DTNA: variants seen among roughly 807,000 people sequenced by gnomAD.
DTNA encodes dystrophin-related protein 3.
A neutral mutation model predicts 100.7 loss-of-function variants in DTNA; 43 were observed. The ratio of observed to expected loss-of-function variants is 0.43; its 90% confidence interval spans 0.33 to 0.55. DTNA has a LOEUF of 0.55. Among genes scored for constraint, DTNA ranks in the 20% least tolerant of loss-of-function variants. The pLI, the probability that DTNA is intolerant of heterozygous loss-of-function variation, is 0.04. For missense variants in DTNA, 798 were observed against 953.9 expected (o/e 0.84, Z 2.15); for synonymous variants, 349 against 347.9 (o/e 1.00, Z -0.04).
intron 1 of DTNA, among the ~76,000 whole-genome samples, chr18:34,522,461 T>C (rs1254929881): frequency 6.6e-6 from 1 of 152,300 alleles, no homozygotes; most frequent in East Asian, 1.9e-4. Context: ...ACTGGGACTT[T>C]CAAGCTAACA....
intron 3 of DTNA, chr18:34,767,521 A>G (rs1212991989): frequency 6.6e-6 from 1 of 152,222 alleles, no homozygotes; most frequent in Non-Finnish European, 1.5e-5. Context: ...CAATTTATAA[A>G]GAAAAGGAAT....
At chr18:34,706,360 A>G (rs1296833818), upstream of DTNA, among the ~76,000 whole-genome samples, 3 of 152,208 alleles carry the variant, frequency 2.0e-5, no homozygotes, top group African/African-American at 4.8e-5. Flanking sequence ...GTATTTTTCA[A>G]CTTCTCTACA....
At chr18:34,506,813 T>A (rs1168175366) in intron 1 of DTNA, among the ~76,000 whole-genome samples, 1 of 152,184 alleles carries the variant, frequency 6.6e-6, no homozygotes, top group East Asian at 1.9e-4. Context: ...AGTGTCTTTG[T>A]ATGTTTATTT....
At chr18:34,650,618 A>G (rs994676968) in intron 1 of DTNA, among the ~76,000 whole-genome samples, 1 of 152,184 alleles carries the variant, frequency 6.6e-6, no homozygotes, top group Non-Finnish European at 1.5e-5. Flanking sequence ...GCACTCTGTT[A>G]GCATTCAATA....
At position 34,833,379 on chromosome 18, in the gene DTNA, T is replaced by C. The variant is rs79955238; in HGVS notation, c.1175+3890T>C. Among the ~76,000 whole-genome samples, 220 of 151,862 alleles carry C rather than the reference T, an allele frequency of 1.4e-3. 6 individuals carry two copies. The East Asian group carries it at 0.036, about 25-fold the overall frequency. On this transcript the variant is annotated intron_variant, in intron 11 of 22. Coordinates refer to ENST00000444659, the MANE Select transcript of DTNA (RefSeq NM_001386795.1). ...AGTATGAAACATTTTGAGATTGTTCTACTTTTCCAGAACCCATTGTGTCAC... is the reference window on the plus strand; with the variant it reads ...AGTATGAAACATTTTGAGATTGTTCCACTTTTCCAGAACCCATTGTGTCAC...
At chr18:34,567,216 G>T (rs2146337110) in intron 1 of DTNA, among the ~76,000 whole-genome samples, 1 of 152,202 alleles carries the variant, frequency 6.6e-6, no homozygotes. Flanking sequence ...GGGCATTTTA[G>T]ATGTCTTTAT....
intron 15 of DTNA, among the ~76,000 whole-genome samples, chr18:34,853,868 A>G (rs2096519545): frequency 6.6e-6 from 1 of 152,198 alleles, no homozygotes; most frequent in Non-Finnish European, 1.5e-5. Context: ...TATATCTACT[A>G]CGTGCAAGTA....
At chr18:34,579,560 A>G (rs1462526301) in intron 1 of DTNA, among the ~76,000 whole-genome samples, 1 of 152,232 alleles carries the variant, frequency 6.6e-6, no homozygotes, top group African/African-American at 2.4e-5. Flanking sequence ...ATAGAATTCT[A>G]GATTAAGAGT....
intron 7 of DTNA, among the ~76,000 whole-genome samples, chr18:34,817,231 G>A (rs1353956826): frequency 3.3e-5 from 5 of 152,184 alleles, no homozygotes; most frequent in Non-Finnish European, 5.9e-5. Flanking sequence ...AAGACAATGC[G>A]TCCAGAGCTA....
At chr18:34,831,788 C>T (rs959254080) in intron 11 of DTNA, among the ~76,000 whole-genome samples, 6 of 152,022 alleles carry the variant, frequency 3.9e-5, no homozygotes, top group African/African-American at 1.4e-4. Context: ...AAAAATGATA[C>T]TGTATTAGGC....
intron 1 of DTNA, among the ~76,000 whole-genome samples, chr18:34,742,925 C>A (rs1201197116): frequency 6.6e-6 from 1 of 152,026 alleles, no homozygotes; most frequent in Admixed American, 6.6e-5. Flanking sequence ...CTCACCGGGA[C>A]AATGCAGGAG....
chr18:34,637,887 A>AT (rs2058830757), intron 1 of DTNA, among the ~76,000 whole-genome samples: 1 of 152,246 alleles, frequency 6.6e-6, no homozygotes, highest in South Asian at 2.1e-4. Context: ...AGCTAAGCAT[A>AT]TATTTCAATA....
intron 11 of DTNA, among the ~76,000 whole-genome samples, chr18:34,837,085 T>C (rs542228018): frequency 7.2e-5 from 11 of 152,130 alleles, no homozygotes; most frequent in Non-Finnish European, 1.3e-4. Context: ...TGGTGGAACC[T>C]CATAATTTAG....
At chr18:34,886,948 G>A (rs1006831134) in intron 22 of DTNA, among the ~76,000 whole-genome samples, 3 of 152,082 alleles carry the variant, frequency 2.0e-5, no homozygotes, top group African/African-American at 7.2e-5. Context: ...TTTTTGTTTA[G>A]ACTTTCTGGC....
At chr18:34,743,328 CTA>C in intron 1 of DTNA, among the ~76,000 whole-genome samples, 1 of 152,222 alleles carries the variant, frequency 6.6e-6, no homozygotes, top group East Asian at 1.9e-4. Flanking sequence ...GTTTTGGCAT[CTA>C]TGTTCATTAA....
Position 34,840,285 on chromosome 18 carries a change from C to A in DTNA, c.1346+1448C>A, listed in dbSNP as rs571579778. 3.3e-5 allele frequency among the ~76,000 whole-genome samples: 5 copies of A among 152,262 alleles called. No homozygotes were observed. The South Asian group carries it at 1.0e-3, about 32-fold the overall frequency. On this transcript the variant is annotated intron_variant, in intron 13 of 22. Coordinates refer to ENST00000444659, the MANE Select transcript of DTNA (RefSeq NM_001386795.1). ...AGATTAAATAGTATCCACTTTTTCA[C>A]AACTCAGGCTCTCAAAACTACAAAA...
chr18:34,811,824 A>T, intron 5 of DTNA, 135 bp from the exon 6 acceptor site: 1 of 1,040,632 alleles, frequency 9.6e-7, no homozygotes, highest in East Asian at 2.6e-5. Context: ...TCAGCATAAA[A>T]ATTAGCTTTT....
intron 3 of DTNA, among the ~76,000 whole-genome samples, chr18:34,775,859 A>T (rs1284050080): frequency 6.6e-6 from 1 of 152,264 alleles, no homozygotes; most frequent in Non-Finnish European, 1.5e-5. Context: ...CTGTGAGTTA[A>T]TAAGAGTCTT....
At position 34,838,755 on chromosome 18, in the gene DTNA, AG is replaced by A. The variant is rs1568718517; in HGVS notation, c.1265del (p.Ser422ThrfsTer2). On this transcript the variant is annotated frameshift_variant, in exon 13 of 23. Coordinates refer to ENST00000444659, the MANE Select transcript of DTNA (RefSeq NM_001386795.1). LOFTEE classifies it high-confidence loss of function. ...CCTGCCCTGTTTCAGGATACAGTACAGCCTGAATGTGGCAGACAGGCTAGCT... is the reference window on the plus strand; with the variant it reads ...CCTGCCCTGTTTCAGGATACAGTACACCTGAATGTGGCAGACAGGCTAGCT... ...AFLKGKGIQY[S>X]LNVADRLADE... is the part of the protein sequence containing the mutation. 3.7e-6 allele frequency: 6 copies of A among 1,613,652 alleles called. No individual in the cohort carries two copies. In the East Asian group the frequency reaches 6.7e-5, roughly 18 times the overall value.
Sources: allele counts gnomAD v4.1 joint callset (sites outside exome capture counted in the v4.1 genomes callset), GRCh38; gene constraint gnomAD v4.1.1; transcripts MANE v1.5; gene names NCBI Gene and HGNC (gene_info 2026-07-23, HGNC 2026-07-21).